Variants in EYS observed in about 807,000 individuals in gnomAD.
The protein encoded by EYS is EGF-like photoreceptor maintenance factor, also known as protein eyes shut homolog.
Under a neutral mutation model 282.1 loss-of-function variants are expected in EYS, and 250 were observed. The observed-to-expected ratio is 0.89, with a 90% CI of 0.80 to 0.98. The LOEUF is 0.98. Among genes scored for constraint, EYS ranks in the 50% least tolerant of loss-of-function variants. EYS has a pLI of 0.00. For missense variants in EYS, 4,016 were observed against 3,709.0 expected, an observed-to-expected ratio of 1.08 and a Z score of -2.15; for synonymous variants, 1,355 against 1,282.9, an observed-to-expected ratio of 1.06 and a Z score of -1.20.
intron 2 of EYS, among the ~76,000 whole-genome samples, chr6:65,610,025 A>C (rs1159503892): frequency 6.6e-6 from 1 of 152,010 alleles, no homozygotes; most frequent in East Asian, 1.9e-4. Context: ...CAGCCTCCCT[A>C]GCAGTTGGGA....
At chr6:65,352,923 A>G (rs980489660) in intron 9 of EYS, among the ~76,000 whole-genome samples, 2 of 151,934 alleles carry the variant, frequency 1.3e-5, no homozygotes, top group Admixed American at 6.6e-5. Context: ...TGTTTTTACA[A>G]ATACAATTCC....
intron 6 of EYS, among the ~76,000 whole-genome samples, 197 bp downstream of exon 6, chr6:65,404,977 G>A (rs895031394): frequency 2.0e-5 from 3 of 151,728 alleles, no homozygotes; most frequent in Non-Finnish European, 2.9e-5. Context: ...TCTTTTAAAA[G>A]GGAAAATACT....
At chr6:64,553,760 G>A (rs1441259360) in intron 26 of EYS, among the ~76,000 whole-genome samples, 1 of 151,748 alleles carries the variant, frequency 6.6e-6, no homozygotes, top group East Asian at 1.9e-4. Flanking sequence ...CTTTGTAATT[G>A]GTCATTTAAA....
At chr6:63,983,973 A>G (rs960724821) in intron 35 of EYS, among the ~76,000 whole-genome samples, 1 of 151,702 alleles carries the variant, frequency 6.6e-6, no homozygotes, top group African/African-American at 2.4e-5. Context: ...ATCTAAGCAG[A>G]TTCTTTTTTG....
chr6:63,904,496 G>C (rs569252239), intron 35 of EYS, among the ~76,000 whole-genome samples: 1 of 152,258 alleles, frequency 6.6e-6, no homozygotes, highest in Admixed American at 6.5e-5. Context: ...AGCAGTGTCA[G>C]GCCTTCGGCT....
intron 15 of EYS, among the ~76,000 whole-genome samples, chr6:64,922,237 A>G (rs1395349792): frequency 2.0e-5 from 3 of 152,186 alleles, no homozygotes; most frequent in South Asian, 2.1e-4. Flanking sequence ...TGAAAAACCA[A>G]TATTTTCCTC....
chr6:65,501,824 C>T (rs1197745152), intron 2 of EYS, among the ~76,000 whole-genome samples: 2 of 151,648 alleles, frequency 1.3e-5, no homozygotes, highest in Admixed American at 1.3e-4. Flanking sequence ...ATTATCTAGA[C>T]AACTTTGCCG....
At chr6:64,825,270 A>G (rs1305464781) in intron 19 of EYS, among the ~76,000 whole-genome samples, 1 of 151,912 alleles carries the variant, frequency 6.6e-6, no homozygotes, top group Non-Finnish European at 1.5e-5. Flanking sequence ...CTTAATCCGC[A>G]ATTGCCATTA....
chr6:64,684,299 A>G (rs913490934), intron 22 of EYS, among the ~76,000 whole-genome samples: 2 of 152,182 alleles, frequency 1.3e-5, no homozygotes, highest in African/African-American at 4.8e-5. Flanking sequence ...CAGCTCAGAA[A>G]TATGTTATCC....
intron 22 of EYS, among the ~76,000 whole-genome samples, chr6:64,770,010 AT>A (rs562098309): frequency 6.6e-5 from 10 of 151,900 alleles, no homozygotes; most frequent in South Asian, 2.1e-4. Flanking sequence ...GGTAGAAATA[AT>A]TTTTTTTACT....
intron 22 of EYS, among the ~76,000 whole-genome samples, chr6:64,641,350 G>A (rs909962731): frequency 6.6e-6 from 1 of 152,096 alleles, no homozygotes; most frequent in African/African-American, 2.4e-5. Context: ...TAATTCAATT[G>A]CCTCCCACCA....
intron 12 of EYS, among the ~76,000 whole-genome samples, chr6:65,165,823 C>G (rs1262835126): frequency 6.6e-6 from 1 of 151,056 alleles, no homozygotes; most frequent in Non-Finnish European, 1.5e-5. Flanking sequence ...ATAGAAAATT[C>G]TAAGGAATAG....
At chr6:65,122,986 T>C (rs1023662158) in intron 12 of EYS, among the ~76,000 whole-genome samples, 17 of 152,050 alleles carry the variant, frequency 1.1e-4, no homozygotes, top group Admixed American at 8.5e-4. Context: ...TCGTGATTTC[T>C]AAAAAAATAA....
chr6:64,617,483 A>C lies in EYS; in HGVS notation c.3619T>G (p.Cys1207Gly). The C allele has an allele frequency of 6.4e-7, 1 of 1,551,070 alleles. No individual in the cohort carries two copies. The highest frequency in any genetic ancestry group is 8.7e-7 in the Non-Finnish European group (1 of 1,146,522). The change falls in exon 24 of 43, where the codon TGT becomes GGT. Residue 1207 changes from cysteine (C) to glycine (G), a missense_variant. Physicochemically the swap from Cys to Gly is radical, Grantham distance 159. Transcript: ENST00000503581. ...ENELECIPNS[C>G]VHELCMENEP... ...TTCTCCATGCAGAGTTCATGAACACATGAGTTGGGAATGCACTCAAGCTCA... is the reference window on the plus strand; with the variant it reads ...TTCTCCATGCAGAGTTCATGAACACCTGAGTTGGGAATGCACTCAAGCTCA...
intron 39 of EYS, among the ~76,000 whole-genome samples, chr6:63,780,175 CTT>C (rs1205536510): frequency 1.3e-5 from 2 of 152,148 alleles, no homozygotes; most frequent in Non-Finnish European, 2.9e-5. Context: ...GGTTCCAAGT[CTT>C]TGCTATTGTG....
At chr6:65,188,598 G>C (rs80215688) in intron 12 of EYS, among the ~76,000 whole-genome samples, 7,432 of 151,420 alleles carry the variant, frequency 0.049, 224 homozygotes, top group Middle Eastern at 0.065. Flanking sequence ...GAGAATTAAG[G>C]TTGCAGATGG....
chr6:65,578,071 A>G (rs1042282317), intron 2 of EYS, among the ~76,000 whole-genome samples: 1 of 151,854 alleles, frequency 6.6e-6, no homozygotes, highest in Admixed American at 6.6e-5. Context: ...GAATCTAACC[A>G]ATAGGGATAT....
At chr6:64,901,294 G>GTGTATATATA (rs150158456) in intron 18 of EYS, among the ~76,000 whole-genome samples, 2 of 127,720 alleles carry the variant, frequency 1.6e-5, no homozygotes, top group African/African-American at 3.2e-5. Flanking sequence ...ATGTAGTTGA[G>GTGTATATATA]TATATATATA....
chr6:64,130,429 A>T (rs1242649081), intron 31 of EYS, among the ~76,000 whole-genome samples: 1 of 152,158 alleles, frequency 6.6e-6, no homozygotes, highest in East Asian at 1.9e-4. Context: ...GAATTGAACA[A>T]TGAGAACACA....
Sources: allele counts gnomAD v4.1 joint callset (sites outside exome capture counted in the v4.1 genomes callset), GRCh38; gene constraint gnomAD v4.1.1; transcripts MANE v1.5; gene names NCBI Gene and HGNC (gene_info 2026-07-23, HGNC 2026-07-21).